Variants in SORCS1 observed in about 807,000 individuals in gnomAD.
The protein encoded by SORCS1 is sortilin related VPS10 domain containing receptor 1.
Under a neutral mutation model 146.1 loss-of-function variants are expected in SORCS1, and 60 were observed. The ratio of observed to expected loss-of-function variants is 0.41; its 90% CI spans 0.33 to 0.51. SORCS1 has a LOEUF of 0.51. Among genes scored for constraint, SORCS1 ranks in the 20% least tolerant of loss-of-function variants. The pLI, the probability that SORCS1 is intolerant of heterozygous loss-of-function variation, is 0.21. For missense variants in SORCS1, 1,352 were observed against 1,487.6 expected (o/e 0.91, Z 1.50); for synonymous variants, 637 against 584.0 (o/e 1.09, Z -1.31).
rs5787703 is a variant in SORCS1, at chr10:107,041,404, TAA to T, written c.559-84826_559-84825del. ...AGAAAGGACAACTTCTAAAGGGGAT[TAA>T]AAAAAAAAAAAAAGAAAGAAAAGCG... On this transcript the variant is annotated intron_variant, in intron 1 of 25. Transcript: ENST00000263054. Among the ~76,000 whole-genome samples the T allele has an allele frequency of 3.4e-3, 478 of 142,082 alleles. 2 individuals are homozygous for T. Among genetic ancestry groups the T allele is most frequent in the East Asian group, 0.028 (141 of 5,022 alleles). 93.2% of individuals were successfully genotyped at this position (142,082 alleles called of 152,430 possible).
Position 106,580,824 on chromosome 10 carries a change from G to A in SORCS1, c.3266-1350C>T, listed in dbSNP as rs184740920. Among the ~76,000 whole-genome samples, 9 of 152,250 alleles carry A rather than the reference G, an allele frequency of 5.9e-5. No individual in the cohort carries two copies. The East Asian group carries it at 1.2e-3, about 20-fold the overall frequency. Reference sequence around the variant, plus strand: ...GAAGCATATTCCATCTAACCACATAGTTTTGGTGAAAAATGAAAGCCACCC... The same window carrying A: ...GAAGCATATTCCATCTAACCACATAATTTTGGTGAAAAATGAAAGCCACCC... On this transcript the variant is annotated intron_variant, in intron 24 of 25. Transcript: ENST00000263054.
intron 1 of SORCS1, among the ~76,000 whole-genome samples, chr10:107,063,372 T>G (rs1590050629): frequency 1.3e-5 from 2 of 152,186 alleles, no homozygotes; most frequent in Admixed American, 1.3e-4. Flanking sequence ...TGTTACTATT[T>G]CTATGAGAGG....
chr10:106,952,865 C>T (rs1954757716), intron 2 of SORCS1, among the ~76,000 whole-genome samples: 1 of 151,358 alleles, frequency 6.6e-6, no homozygotes, highest in African/African-American at 2.4e-5. Flanking sequence ...TATTTGTAGT[C>T]CCAGCTACTT....
At chr10:106,606,260 TACAC>T (rs1174758791) in intron 23 of SORCS1, among the ~76,000 whole-genome samples, 6 of 126,874 alleles carry the variant, frequency 4.7e-5, no homozygotes, top group African/African-American at 1.9e-4. Flanking sequence ...ATCACACAAA[TACAC>T]ACACAGATAT....
intron 1 of SORCS1, among the ~76,000 whole-genome samples, chr10:107,007,648 T>C (rs1380823387): frequency 6.6e-6 from 1 of 152,224 alleles, no homozygotes; most frequent in Non-Finnish European, 1.5e-5. Context: ...TTTAGGGTAG[T>C]TGGTAACACA....
intron 16 of SORCS1, among the ~76,000 whole-genome samples, chr10:106,669,242 A>AAAAC (rs138564044): frequency 6.6e-6 from 1 of 151,376 alleles, no homozygotes; most frequent in Admixed American, 6.6e-5. Flanking sequence ...TGAAAAAGAA[A>AAAAC]AACAACAACA....
At chr10:106,934,639 T>C (rs923828721) in intron 2 of SORCS1, among the ~76,000 whole-genome samples, 3 of 152,154 alleles carry the variant, frequency 2.0e-5, no homozygotes, top group African/African-American at 4.8e-5. Flanking sequence ...CAATTCACAA[T>C]TGCAAAGATA....
chr10:106,923,437 C>G (rs1358196674), intron 2 of SORCS1, among the ~76,000 whole-genome samples: 1 of 152,180 alleles, frequency 6.6e-6, no homozygotes, highest in Non-Finnish European at 1.5e-5. Flanking sequence ...TTTGAATGAA[C>G]TTTGTGTGAA....
intron 1 of SORCS1, among the ~76,000 whole-genome samples, chr10:107,126,429 G>T (rs1268593611): frequency 6.6e-6 from 1 of 151,994 alleles, no homozygotes; most frequent in South Asian, 2.1e-4. Flanking sequence ...CGATAGACAG[G>T]TATCTACCTT....
chr10:106,648,246 C>A (rs1474987396), intron 18 of SORCS1, among the ~76,000 whole-genome samples: 1 of 151,966 alleles, frequency 6.6e-6, no homozygotes, highest in Non-Finnish European at 1.5e-5. Context: ...TAATGAAACC[C>A]TTTTAAAGTT....
intron 1 of SORCS1, among the ~76,000 whole-genome samples, chr10:106,991,695 T>A (rs904495921): frequency 3.9e-5 from 6 of 152,132 alleles, no homozygotes; most frequent in Non-Finnish European, 8.8e-5. Context: ...AGCTGGATTT[T>A]AACTCCCCGG....
intron 1 of SORCS1, among the ~76,000 whole-genome samples, chr10:107,000,287 G>A (rs1589892440): frequency 6.6e-6 from 1 of 152,138 alleles, no homozygotes; most frequent in African/African-American, 2.4e-5. Flanking sequence ...CGGCTGAAAT[G>A]TTGGGAAGAT....
chr10:107,144,438 C>A (rs530892602), intron 1 of SORCS1, among the ~76,000 whole-genome samples: 1 of 152,318 alleles, frequency 6.6e-6, no homozygotes, highest in East Asian at 1.9e-4. Context: ...AACTATTACC[C>A]TTTCCTTCCT....
At chr10:106,732,572 A>G (rs1355323350) in intron 5 of SORCS1, among the ~76,000 whole-genome samples, 1 of 152,208 alleles carries the variant, frequency 6.6e-6, no homozygotes, top group African/African-American at 2.4e-5. Context: ...CATCCTTGAA[A>G]TGACTACCAC....
chr10:106,961,495 T>C (rs1342449367), intron 1 of SORCS1, among the ~76,000 whole-genome samples: 1 of 152,252 alleles, frequency 6.6e-6, no homozygotes, highest in Non-Finnish European at 1.5e-5. Context: ...GAATTTTCCA[T>C]TTCTTTTCTT....
intron 6 of SORCS1, among the ~76,000 whole-genome samples, chr10:106,714,409 CA>C (rs1216976542): frequency 1.3e-5 from 2 of 151,726 alleles, no homozygotes; most frequent in African/African-American, 4.8e-5. Context: ...AGTAGGTTAC[CA>C]ATTAGTAATA....
chr10:107,144,708 G>C (rs968761408), intron 1 of SORCS1, among the ~76,000 whole-genome samples: 5 of 152,216 alleles, frequency 3.3e-5, no homozygotes, highest in African/African-American at 1.2e-4. Context: ...TGTCTCATAG[G>C]GAACAGCTCC....
In SORCS1 at chr10:106,956,626, T is replaced by A. The variant is rs1007277691; in HGVS notation, c.559-46A>T. ...CATGGTTAGTCTCAAACAATTACAA[T>A]CTCTTAGAACTGAAATGGCCCAAGG... is the stretch of plus-strand genomic sequence containing the variant. On this transcript the variant is annotated intron_variant, in intron 1 of 25. Transcript: ENST00000263054. 12 of 1,560,312 alleles carry A rather than the reference T, an allele frequency of 7.7e-6. No homozygotes were observed. The African/African-American group carries it at 8.1e-5, about 11-fold the overall frequency.
rs1413665028 is a variant in SORCS1, at chr10:106,575,736, AAAT to A, written c.*1681_*1683del. On this transcript the variant is annotated 3_prime_UTR_variant, in exon 26 of 26. Coordinates refer to ENST00000263054, the MANE Select transcript of SORCS1 (RefSeq NM_052918.5). ...CACATGAAATCACTGGGATCATCCT[AAAT>A]AATCAAACTCTCACCCTAATGTAAG... 6.5e-6 allele frequency: 1 copy of A among 152,686 alleles called. No homozygotes were observed. Among genetic ancestry groups the A allele is most frequent in the Non-Finnish European group, 1.5e-5 (1 of 68,062 alleles). 9.5% of individuals were successfully genotyped at this position (152,686 alleles called of 1,614,324 possible).
Sources: allele counts gnomAD v4.1 joint callset (sites outside exome capture counted in the v4.1 genomes callset), GRCh38; gene constraint gnomAD v4.1.1; transcripts MANE v1.5; gene names NCBI Gene and HGNC (gene_info 2026-07-23, HGNC 2026-07-21).